CFAP299: variants seen among roughly 807,000 people sequenced by gnomAD.
The protein encoded by CFAP299 is cilia and flagella associated protein 299, also known as cilia- and flagella-associated protein 299.
CFAP299 carries 21 observed loss-of-function variants against 27.0 expected under a neutral mutation model. The observed-to-expected ratio is 0.78, with a 90% CI of 0.55 to 1.12. The LOEUF (loss-of-function observed/expected upper bound fraction) is 1.12. Among genes scored for constraint, CFAP299 ranks in the 50% most tolerant of loss-of-function variants. CFAP299 has a pLI of 0.00. For synonymous variants in CFAP299, 104 were observed against 98.1 expected (o/e 1.06, Z -0.36); for missense variants, 310 against 276.6 (o/e 1.12, Z -0.86).
At chr4:80,508,183 G>A (rs1043807719) in intron 2 of CFAP299, among the ~76,000 whole-genome samples, 2 of 152,102 alleles carry the variant, frequency 1.3e-5, no homozygotes, top group Non-Finnish European at 2.9e-5. Flanking sequence ...TCCGAAATCT[G>A]CTATGTTTTT....
chr4:80,618,523 A>G lies in CFAP299; in HGVS notation c.333+35340A>G, dbSNP rs554936655. On this transcript the variant is annotated intron_variant, in intron 3 of 5. Coordinates refer to ENST00000358105, the MANE Select transcript of CFAP299 (RefSeq NM_152770.3). The stretch of plus-strand genomic sequence containing the variant: ...CTCTACTGTATTAGGAAAAAAATGA[A>G]GGGATATATAGAAATAATTTAGAGG... Among the ~76,000 whole-genome samples, 885 of 152,230 alleles carry G rather than the reference A, an allele frequency of 5.8e-3. 5 individuals are homozygous for G. The highest frequency in any genetic ancestry group is 0.021 in the African/African-American group (867 of 41,558).
intron 2 of CFAP299, among the ~76,000 whole-genome samples, chr4:80,407,889 A>T (rs1249648509): frequency 3.9e-5 from 6 of 152,206 alleles, no homozygotes; most frequent in African/African-American, 1.4e-4. Context: ...CTTTACAAAG[A>T]AATGATAGTA....
At chr4:80,408,232 C>T (rs1326082796) in intron 2 of CFAP299, among the ~76,000 whole-genome samples, 5 of 152,198 alleles carry the variant, frequency 3.3e-5, no homozygotes, top group Non-Finnish European at 4.4e-5. Context: ...AATTTCCCCA[C>T]CTAACATCAA....
chr4:80,803,724 T>A (rs1002843932), intron 3 of CFAP299, among the ~76,000 whole-genome samples: 1 of 149,104 alleles, frequency 6.7e-6, no homozygotes, highest in African/African-American at 2.4e-5. Context: ...TATTTTAATA[T>A]AATGTATAAT....
chr4:80,832,981 A>T (rs1342523185), intron 3 of CFAP299, among the ~76,000 whole-genome samples: 2 of 152,094 alleles, frequency 1.3e-5, no homozygotes, highest in Non-Finnish European at 2.9e-5. Flanking sequence ...TGCTTTTCTA[A>T]GTCCACATAT....
At chr4:80,764,361 G>C (rs912241219) in intron 3 of CFAP299, among the ~76,000 whole-genome samples, 9 of 152,112 alleles carry the variant, frequency 5.9e-5, no homozygotes, top group African/African-American at 2.2e-4. Context: ...ATCATCACTG[G>C]TCATTAGAGA....
chr4:80,800,303 T>C (rs1728374665), intron 3 of CFAP299, among the ~76,000 whole-genome samples: 1 of 74,360 alleles, frequency 1.3e-5, no homozygotes, highest in Admixed American at 2.6e-4. Context: ...ATATATATAA[T>C]ATATAAGATA....
intron 3 of CFAP299, among the ~76,000 whole-genome samples, chr4:80,864,332 C>A (rs1326458771): frequency 6.7e-6 from 1 of 150,370 alleles, no homozygotes; most frequent in African/African-American, 2.4e-5. Context: ...TCAAGGGGCT[C>A]TTTTGACCTA....
Position 80,548,887 on chromosome 4 carries a change from G to A in CFAP299, c.243-34206G>A, listed in dbSNP as rs116619722. ...TGTTGGTCAGTAAGGGCTTTATGAG[G>A]ACATGACATTAAAAGAGAAATTACA... On this transcript the variant is annotated intron_variant, in intron 2 of 5. Transcript: ENST00000358105. 6.2e-3 allele frequency among the ~76,000 whole-genome samples: 938 copies of A among 152,198 alleles called. 11 individuals carry two copies. Among genetic ancestry groups the A allele is most frequent in the African/African-American group, 0.021 (892 of 41,544 alleles).
intron 2 of CFAP299, among the ~76,000 whole-genome samples, chr4:80,580,556 T>G (rs1578628519): frequency 1.3e-5 from 2 of 151,974 alleles, no homozygotes; most frequent in African/African-American, 2.4e-5. Context: ...ATTTTAATTC[T>G]CAAAAGAGCC....
intron 2 of CFAP299, among the ~76,000 whole-genome samples, chr4:80,494,337 A>ATGT (rs1392602452): frequency 3.3e-5 from 5 of 152,244 alleles, no homozygotes. Flanking sequence ...CTGTCAAAGT[A>ATGT]TGTTAACTAT....
intron 2 of CFAP299, among the ~76,000 whole-genome samples, chr4:80,498,477 A>G (rs1472990369): frequency 6.6e-6 from 1 of 152,208 alleles, no homozygotes; most frequent in East Asian, 1.9e-4. Context: ...ACGTGGCCTA[A>G]CAAGCATATG....
chr4:80,335,665 G>C (rs112531823), upstream of CFAP299: 260 of 747,044 alleles, frequency 3.5e-4, 3 homozygotes, highest in African/African-American at 3.8e-3. Context: ...AACGTCCAAA[G>C]CTCACACCGG....
intron 3 of CFAP299, among the ~76,000 whole-genome samples, chr4:80,671,065 A>G (rs941299169): frequency 2.0e-5 from 3 of 152,192 alleles, no homozygotes; most frequent in East Asian, 1.9e-4. Flanking sequence ...GTCCTTGCCC[A>G]TGCCTATGTC....
In CFAP299 at chr4:80,382,877, A is replaced by T. The variant is rs555320216; in HGVS notation, c.242+19993A>T. Among the ~76,000 whole-genome samples, 6 of 152,302 alleles carry T rather than the reference A, an allele frequency of 3.9e-5. No individual in the cohort carries two copies. In the East Asian group the frequency reaches 1.2e-3, roughly 29 times the overall value. ...ATCATTTTATCATAAAAACACTTGC[A>T]CATGTATGTTCACTGCAGCACTGTT... is the stretch of plus-strand genomic sequence containing the variant. On this transcript the variant is annotated intron_variant, in intron 2 of 5. Coordinates refer to ENST00000358105, the MANE Select transcript of CFAP299 (RefSeq NM_152770.3).
At chr4:80,722,559 T>C (rs1722890231) in intron 3 of CFAP299, among the ~76,000 whole-genome samples, 1 of 152,106 alleles carries the variant, frequency 6.6e-6, no homozygotes, top group African/African-American at 2.4e-5. Context: ...TTTCAAAGTA[T>C]ATATCTTTTA....
intron 2 of CFAP299, among the ~76,000 whole-genome samples, chr4:80,401,206 G>T (rs1726134143): frequency 6.6e-6 from 1 of 152,236 alleles, no homozygotes; most frequent in Non-Finnish European, 1.5e-5. Context: ...TTTCTGGGGA[G>T]AAATTCAAGC....
chr4:80,778,272 C>T (rs1036575496), intron 3 of CFAP299, among the ~76,000 whole-genome samples: 1 of 152,070 alleles, frequency 6.6e-6, no homozygotes, highest in Non-Finnish European at 1.5e-5. Context: ...GCAGAATATG[C>T]TTGTTATACC....
intron 3 of CFAP299, among the ~76,000 whole-genome samples, chr4:80,711,881 A>G (rs889000033): frequency 1.3e-5 from 2 of 152,174 alleles, no homozygotes; most frequent in African/African-American, 4.8e-5. Context: ...TGTGGAATAC[A>G]AGTTCTATGA....
Sources: gnomAD v4.1 joint callset for allele counts (sites outside exome capture counted in the v4.1 genomes callset) on GRCh38, gnomAD v4.1.1 for gene constraint, MANE v1.5 for transcripts, NCBI Gene and HGNC (gene_info 2026-07-23, HGNC 2026-07-21) for gene names.